Variants in EPHA6 observed in about 807,000 individuals in gnomAD.
EPHA6 encodes the protein ephrin type-A receptor 6.
A neutral mutation model predicts 112.0 loss-of-function variants in EPHA6; 50 were observed. That is an observed-to-expected ratio of 0.45 (90% CI 0.36 to 0.56). The LOEUF is 0.56. EPHA6 is among the 20% of genes least tolerant of loss of function. The pLI is 0.00. For missense variants in EPHA6, 1,280 were observed against 1,417.4 expected (o/e 0.90, Z 1.56); for synonymous variants, 529 against 490.7 (o/e 1.08, Z -1.03).
chr3:97,287,169 AAAAT>A (rs2080496717), intron 5 of EPHA6, among the ~76,000 whole-genome samples: 4 of 152,146 alleles, frequency 2.6e-5, no homozygotes, highest in African/African-American at 9.7e-5. Flanking sequence ...TTTTATATGT[AAAAT>A]TTTGTCACCT....
chr3:97,182,851 C>A (rs1034173581), intron 3 of EPHA6, among the ~76,000 whole-genome samples: 4 of 152,012 alleles, frequency 2.6e-5, no homozygotes, highest in Non-Finnish European at 5.9e-5. Flanking sequence ...AACATAAGGC[C>A]ACAGCCTATG....
At chr3:97,288,698 T>C (rs1416638707) in intron 5 of EPHA6, among the ~76,000 whole-genome samples, 1 of 152,200 alleles carries the variant, frequency 6.6e-6, no homozygotes, top group Non-Finnish European at 1.5e-5. Flanking sequence ...ACCAAGAGTG[T>C]ATAAGCATTT....
chr3:97,251,581 T>A (rs557612112), intron 5 of EPHA6, among the ~76,000 whole-genome samples: 46 of 152,242 alleles, frequency 3.0e-4, no homozygotes, highest in Admixed American at 9.8e-4. Context: ...ATTATTCTGA[T>A]CATCATTAAA....
At chr3:97,078,724 TG>T (rs1290357122) in intron 3 of EPHA6, among the ~76,000 whole-genome samples, 2 of 152,192 alleles carry the variant, frequency 1.3e-5, no homozygotes, top group Non-Finnish European at 2.9e-5. Flanking sequence ...GTGTTATTTC[TG>T]AGGCCTCTGT....
chr3:97,061,391 C>T (rs1457393718), intron 3 of EPHA6, among the ~76,000 whole-genome samples: 1 of 152,092 alleles, frequency 6.6e-6, no homozygotes, highest in Non-Finnish European at 1.5e-5. Flanking sequence ...GTGGTCATAT[C>T]CAAGTATACA....
At chr3:97,534,585 A>G (rs2092737864) in intron 11 of EPHA6, among the ~76,000 whole-genome samples, 1 of 152,026 alleles carries the variant, frequency 6.6e-6, no homozygotes, top group Non-Finnish European at 1.5e-5. Flanking sequence ...GCCTTTCAGA[A>G]TAGGAAAAAA....
chr3:96,910,311 A>G (rs779535494), intron 2 of EPHA6, among the ~76,000 whole-genome samples: 97 of 152,086 alleles, frequency 6.4e-4, no homozygotes, highest in Non-Finnish European at 8.8e-5. Flanking sequence ...ACCACTTCCT[A>G]ACAACCTAAC....
At chr3:97,099,846 G>A (rs73131586) in intron 3 of EPHA6, among the ~76,000 whole-genome samples, 258 of 152,070 alleles carry the variant, frequency 1.7e-3, no homozygotes, top group Admixed American at 2.6e-3. Context: ...TGACTACTTT[G>A]GATTATGAAG....
chr3:97,694,958 T>G (rs1049039416), intron 14 of EPHA6, among the ~76,000 whole-genome samples: 3 of 152,232 alleles, frequency 2.0e-5, no homozygotes, highest in Admixed American at 2.0e-4. Context: ...CAGTACCATC[T>G]GATATGAGTG....
chr3:97,642,636 G>A, intron 14 of EPHA6, among the ~76,000 whole-genome samples: 1 of 152,172 alleles, frequency 6.6e-6, no homozygotes, highest in Admixed American at 6.5e-5. Flanking sequence ...AGAACTACGT[G>A]AAGAATGCAG....
At chr3:97,523,987 A>AC (rs1405507333) in intron 10 of EPHA6, among the ~76,000 whole-genome samples, 2 of 152,024 alleles carry the variant, frequency 1.3e-5, no homozygotes, top group Non-Finnish European at 2.9e-5. Context: ...TGTGTCCCTA[A>AC]AGCTAAAATA....
intron 4 of EPHA6, among the ~76,000 whole-genome samples, chr3:97,240,134 G>A (rs1022517232): frequency 3.3e-5 from 5 of 151,720 alleles, no homozygotes; most frequent in Non-Finnish European, 5.9e-5. Context: ...TATAGATAGA[G>A]AAAGAAGTGA....
At chr3:96,842,275 A>G (rs1483663575) in intron 1 of EPHA6, among the ~76,000 whole-genome samples, 7 of 152,116 alleles carry the variant, frequency 4.6e-5, no homozygotes, top group African/African-American at 1.7e-4. Context: ...AGTCCTCAGC[A>G]TGAATTAATA....
At chr3:97,328,810 T>A (rs182454362) in intron 5 of EPHA6, among the ~76,000 whole-genome samples, 54 of 152,222 alleles carry the variant, frequency 3.5e-4, no homozygotes, top group African/African-American at 1.2e-3. Context: ...GTGCTATTTT[T>A]CTTTTTATTA....
intron 2 of EPHA6, among the ~76,000 whole-genome samples, chr3:96,910,568 G>C (rs1246850248): frequency 6.6e-6 from 1 of 152,030 alleles, no homozygotes; most frequent in African/African-American, 2.4e-5. Flanking sequence ...TAAACCTTCT[G>C]TTTTTCTCTT....
At chr3:97,232,017 A>C (rs1048454453) in intron 4 of EPHA6, among the ~76,000 whole-genome samples, 1 of 152,110 alleles carries the variant, frequency 6.6e-6, no homozygotes, top group Non-Finnish European at 1.5e-5. Context: ...GTTGACAGGA[A>C]AGGTCAGAGA....
At chr3:97,427,635 A>G (rs2089232132) in intron 6 of EPHA6, among the ~76,000 whole-genome samples, 1 of 151,984 alleles carries the variant, frequency 6.6e-6, no homozygotes, top group Non-Finnish European at 1.5e-5. Context: ...AACAAACCCC[A>G]TGACACAGGT....
chr3:96,973,999 T>G (rs1197713626), intron 2 of EPHA6, among the ~76,000 whole-genome samples: 1 of 145,474 alleles, frequency 6.9e-6, no homozygotes, highest in Non-Finnish European at 1.5e-5. Context: ...TATAATATAC[T>G]GTGTATATTT....
At chr3:97,090,125 C>A (rs1559721197) in intron 3 of EPHA6, among the ~76,000 whole-genome samples, 2 of 151,796 alleles carry the variant, frequency 1.3e-5, no homozygotes, top group African/African-American at 2.4e-5. Flanking sequence ...TTACTATATT[C>A]CCTTCATGCT....
Sources: allele counts gnomAD v4.1 joint callset (sites outside exome capture counted in the v4.1 genomes callset), GRCh38; gene constraint gnomAD v4.1.1; transcripts MANE v1.5; gene names NCBI Gene and HGNC (gene_info 2026-07-23, HGNC 2026-07-21).